Variants in KCNH1 observed in about 807,000 individuals in gnomAD.
KCNH1 encodes potassium voltage-gated channel subfamily H member 1.
Under a neutral mutation model 69.2 loss-of-function variants are expected in KCNH1, and 27 were observed. That is an observed-to-expected ratio of 0.39 (90% CI 0.29 to 0.54). The LOEUF is 0.54. Ranked by LOEUF, KCNH1 falls within the 20% of genes least tolerant of loss-of-function variation. The pLI is 0.68. For synonymous variants in KCNH1, 456 were observed against 487.7 expected (o/e 0.93, Z 0.86); for missense variants, 798 against 1,261.6 (o/e 0.63, Z 5.57).
intron 6 of KCNH1, among the ~76,000 whole-genome samples, chr1:210,991,801 CCAGAAAG>C (rs1688943606): frequency 6.6e-6 from 1 of 151,930 alleles, no homozygotes; most frequent in Non-Finnish European, 1.5e-5. Context: ...AGGATGAAAA[CCAGAAAG>C]CAGAAAGCAG....
At chr1:210,866,804 T>C (rs544203002) in intron 7 of KCNH1, among the ~76,000 whole-genome samples, 1 of 152,204 alleles carries the variant, frequency 6.6e-6, no homozygotes, top group Admixed American at 6.5e-5. Context: ...TGTACATGAA[T>C]GCTCATAATG....
intron 7 of KCNH1, among the ~76,000 whole-genome samples, chr1:210,855,099 C>T (rs184538889): frequency 9.2e-5 from 14 of 152,244 alleles, no homozygotes; most frequent in Admixed American, 4.6e-4. Flanking sequence ...TGAGAGAGTT[C>T]TGGAAGTCTC....
chr1:210,951,581 TG>T (rs1309563265), intron 6 of KCNH1, among the ~76,000 whole-genome samples: 1 of 152,188 alleles, frequency 6.6e-6, no homozygotes, highest in Non-Finnish European at 1.5e-5. Context: ...CTTCTTGTCA[TG>T]GTTCCAGGGG....
intron 5 of KCNH1, among the ~76,000 whole-genome samples, chr1:211,030,130 G>C (rs1462691293): frequency 6.6e-6 from 1 of 152,202 alleles, no homozygotes; most frequent in East Asian, 1.9e-4. Flanking sequence ...ATGCTGGCAA[G>C]AGTTTTTGTA....
intron 6 of KCNH1, among the ~76,000 whole-genome samples, chr1:210,966,729 A>G (rs1165567235): frequency 6.6e-6 from 1 of 152,226 alleles, no homozygotes; most frequent in Non-Finnish European, 1.5e-5. Context: ...GATGCTGGAG[A>G]GGAGGCAGAG....
intron 5 of KCNH1, among the ~76,000 whole-genome samples, chr1:211,062,193 GT>G (rs1158984430): frequency 6.6e-6 from 1 of 151,994 alleles, no homozygotes; most frequent in Non-Finnish European, 1.5e-5. Flanking sequence ...TTTGACAAAG[GT>G]ATGAAAAACA....
chr1:210,813,651 T>C (rs1267264372), intron 7 of KCNH1, among the ~76,000 whole-genome samples: 1 of 152,216 alleles, frequency 6.6e-6, no homozygotes, highest in Non-Finnish European at 1.5e-5. Context: ...TATATTGGCA[T>C]GGCAACTGGC....
intron 6 of KCNH1, among the ~76,000 whole-genome samples, chr1:211,016,089 T>A (rs1353459209): frequency 1.3e-5 from 2 of 152,120 alleles, no homozygotes; most frequent in Non-Finnish European, 2.9e-5. Flanking sequence ...AATCTATAAA[T>A]CAGAAACCAC....
intron 7 of KCNH1, among the ~76,000 whole-genome samples, chr1:210,918,449 C>T (rs191006314): frequency 6.6e-6 from 1 of 152,262 alleles, no homozygotes; most frequent in African/African-American, 2.4e-5. Context: ...ACAATGAGTC[C>T]AATCCACTCA....
At chr1:210,692,554 C>A (rs1681548755) in intron 10 of KCNH1, among the ~76,000 whole-genome samples, 1 of 152,042 alleles carries the variant, frequency 6.6e-6, no homozygotes, top group Non-Finnish European at 1.5e-5. Context: ...CAGAAGGTGG[C>A]CTTATTTGGA....
intron 5 of KCNH1, among the ~76,000 whole-genome samples, chr1:211,038,136 A>G (rs995561084): frequency 1.1e-4 from 16 of 151,440 alleles, no homozygotes; most frequent in African/African-American, 3.9e-4. Context: ...AATTTTTTGT[A>G]TTTTTTAGTA....
chr1:211,130,419 A>C (rs1196129653), intron 1 of KCNH1, among the ~76,000 whole-genome samples: 1 of 152,202 alleles, frequency 6.6e-6, no homozygotes, highest in Non-Finnish European at 1.5e-5. Context: ...AAACAGTCGC[A>C]GCCGGTCAAC....
At chr1:211,037,913 G>A (rs1236266708) in intron 5 of KCNH1, among the ~76,000 whole-genome samples, 1 of 151,536 alleles carries the variant, frequency 6.6e-6, no homozygotes, top group Non-Finnish European at 1.5e-5. Flanking sequence ...TAAGTCTCAC[G>A]AGATTTGATT....
intron 6 of KCNH1, among the ~76,000 whole-genome samples, chr1:211,014,433 G>A (rs978281543): frequency 6.6e-6 from 1 of 152,200 alleles, no homozygotes; most frequent in African/African-American, 2.4e-5. Flanking sequence ...CAACAGACCG[G>A]AGAATGACGC....
At chr1:211,084,863 G>A (rs1690925474) in intron 4 of KCNH1, among the ~76,000 whole-genome samples, 2 of 152,066 alleles carry the variant, frequency 1.3e-5, no homozygotes, top group Non-Finnish European at 2.9e-5. Context: ...TATGTACCAG[G>A]CATGGTACTA....
chr1:210,686,709 C>T (rs961865491), intron 10 of KCNH1, among the ~76,000 whole-genome samples: 3 of 152,190 alleles, frequency 2.0e-5, no homozygotes, highest in Admixed American at 6.5e-5. Flanking sequence ...CTAACACTAT[C>T]CCCCTTTTTC....
intron 6 of KCNH1, among the ~76,000 whole-genome samples, chr1:210,920,557 T>C (rs960733527): frequency 2.0e-5 from 3 of 152,264 alleles, no homozygotes; most frequent in East Asian, 3.9e-4. Flanking sequence ...AAAATATTAA[T>C]AGAGGTTATT....
chr1:210,791,833 G>A (rs1176454734), intron 9 of KCNH1, among the ~76,000 whole-genome samples: 4 of 152,124 alleles, frequency 2.6e-5, no homozygotes, highest in Non-Finnish European at 5.9e-5. Context: ...TAAGGTCAAT[G>A]AACACAAGGA....
intron 7 of KCNH1, among the ~76,000 whole-genome samples, chr1:210,833,804 C>T (rs1416318340): frequency 6.6e-6 from 1 of 152,134 alleles, no homozygotes; most frequent in Non-Finnish European, 1.5e-5. Context: ...GGGCTAATAT[C>T]CAGAATCTAC....
Sources: gnomAD v4.1 joint callset for allele counts (sites outside exome capture counted in the v4.1 genomes callset) on GRCh38, gnomAD v4.1.1 for gene constraint, MANE v1.5 for transcripts, NCBI Gene and HGNC (gene_info 2026-07-23, HGNC 2026-07-21) for gene names.